Variants in RPS6KC1 observed in about 807,000 individuals in gnomAD.
RPS6KC1 encodes the protein inactive ribosomal protein S6 kinase delta-1.
A neutral mutation model predicts 103.8 loss-of-function variants in RPS6KC1; 54 were observed. The ratio of observed to expected loss-of-function variants is 0.52; its 90% CI spans 0.42 to 0.65. The LOEUF (loss-of-function observed/expected upper bound fraction) is 0.65, where lower values mean the gene tolerates loss of function less well. Ranked by LOEUF, RPS6KC1 falls within the 30% of genes least tolerant of loss-of-function variation. The probability of loss-of-function intolerance (pLI) is 0.00; values close to 1 mark genes in which losing one functional copy is unlikely to be tolerated. For synonymous variants in RPS6KC1, 439 were observed against 438.7 expected (o/e 1.00, Z -0.01); for missense variants, 1,151 against 1,253.8 (o/e 0.92, Z 1.24).
At chr1:213,165,847 G>A (rs1360264844) in intron 6 of RPS6KC1, among the ~76,000 whole-genome samples, 1 of 152,162 alleles carries the variant, frequency 6.6e-6, no homozygotes, top group Non-Finnish European at 1.5e-5. Context: ...ACGAGCCACC[G>A]CACCTGGCCT....
intron 8 of RPS6KC1, among the ~76,000 whole-genome samples, chr1:213,194,686 C>T (rs554437523): frequency 1.9e-4 from 29 of 152,282 alleles, no homozygotes; most frequent in African/African-American, 7.0e-4. Flanking sequence ...GAGCGCAAAC[C>T]CTATTGTGAA....
chr1:213,498,591 A>T, the RPS6KC1 span, among the ~76,000 whole-genome samples: 2 of 151,500 alleles, frequency 1.3e-5, no homozygotes, highest in African/African-American at 2.4e-5. Flanking sequence ...AGTAGCTGGG[A>T]CTACAGGCGC....
At chr1:213,489,112 A>G in the RPS6KC1 span, among the ~76,000 whole-genome samples, 1 of 152,116 alleles carries the variant, frequency 6.6e-6, no homozygotes, top group Non-Finnish European at 1.5e-5. Flanking sequence ...TACATGCAAG[A>G]AAAAAAATCT....
chr1:213,163,265 T>G (rs957205118), intron 6 of RPS6KC1, among the ~76,000 whole-genome samples: 2 of 152,234 alleles, frequency 1.3e-5, no homozygotes, highest in Non-Finnish European at 2.9e-5. Flanking sequence ...ATTTGGATGT[T>G]CTTTCTATTG....
At chr1:213,331,018 G>C in the RPS6KC1 span, among the ~76,000 whole-genome samples, 1 of 152,140 alleles carries the variant, frequency 6.6e-6, no homozygotes, top group Non-Finnish European at 1.5e-5. Context: ...AGAGAGAAGA[G>C]GATGTGATGG....
chr1:213,381,392 G>A, the RPS6KC1 span, among the ~76,000 whole-genome samples: 1 of 151,920 alleles, frequency 6.6e-6, no homozygotes, highest in African/African-American at 2.4e-5. Flanking sequence ...ACCTTATGTT[G>A]CACCTGCCGA....
the RPS6KC1 span, among the ~76,000 whole-genome samples, chr1:213,814,668 A>G: frequency 6.6e-6 from 1 of 152,206 alleles, no homozygotes. Context: ...AAGCACTATT[A>G]TAAGGGCTTT....
the RPS6KC1 span, among the ~76,000 whole-genome samples, chr1:213,386,546 C>T: frequency 2.6e-5 from 4 of 152,276 alleles, no homozygotes; most frequent in East Asian, 1.9e-4. Flanking sequence ...CCTGTGTTTA[C>T]GGCTGACTCA....
At chr1:213,341,865 T>C in the RPS6KC1 span, among the ~76,000 whole-genome samples, 1 of 152,198 alleles carries the variant, frequency 6.6e-6, no homozygotes, top group Non-Finnish European at 1.5e-5. Context: ...CATCTTCAAA[T>C]GCAAGATGGT....
chr1:213,179,538 A>G (rs913420716), intron 8 of RPS6KC1, among the ~76,000 whole-genome samples: 1 of 152,202 alleles, frequency 6.6e-6, no homozygotes, highest in Non-Finnish European at 1.5e-5. Context: ...AACTTGAAGT[A>G]TGGAAAATAA....
chr1:213,753,046 C>T, the RPS6KC1 span, among the ~76,000 whole-genome samples: 3 of 152,196 alleles, frequency 2.0e-5, no homozygotes, highest in Non-Finnish European at 4.4e-5. Context: ...TTTCTTTGTA[C>T]TCCATGCATC....
chr1:213,630,645 G>T, the RPS6KC1 span, among the ~76,000 whole-genome samples: 1 of 152,206 alleles, frequency 6.6e-6, no homozygotes, highest in African/African-American at 2.4e-5. Context: ...TTTGGAGGAG[G>T]AGAGGTGCTC....
At chr1:213,692,417 A>G in the RPS6KC1 span, among the ~76,000 whole-genome samples, 1 of 151,516 alleles carries the variant, frequency 6.6e-6, no homozygotes, top group African/African-American at 2.4e-5. Flanking sequence ...ATAAAGTTTT[A>G]GAGCAGGAAT....
chr1:213,379,548 T>C, the RPS6KC1 span, among the ~76,000 whole-genome samples: 3 of 152,202 alleles, frequency 2.0e-5, no homozygotes, highest in African/African-American at 7.2e-5. Flanking sequence ...GATCATGGAC[T>C]TCCAGCCTCC....
At chr1:213,116,335 G>A (rs1247836388) in intron 4 of RPS6KC1, among the ~76,000 whole-genome samples, 1 of 145,594 alleles carries the variant, frequency 6.9e-6, no homozygotes, top group Non-Finnish European at 1.5e-5. Context: ...TTTGGTCTTT[G>A]TTGGTTTAAA....
chr1:213,262,885 C>A (rs2094831399), intron 14 of RPS6KC1, 69 bp downstream of exon 14: 1 of 918,672 alleles, frequency 1.1e-6, no homozygotes, highest in Non-Finnish European at 1.8e-6. Flanking sequence ...ACTCCAAAAC[C>A]TTAAAAAGAG....
At chr1:213,586,621 A>G in the RPS6KC1 span, among the ~76,000 whole-genome samples, 1 of 127,216 alleles carries the variant, frequency 7.9e-6, no homozygotes, top group Non-Finnish European at 1.7e-5. Flanking sequence ...TAAAAGAGTG[A>G]GACAGATGAG....
chr1:213,661,143 T>C, the RPS6KC1 span, among the ~76,000 whole-genome samples: 2,200 of 152,344 alleles, frequency 0.014, 65 homozygotes, highest in African/African-American at 0.049. Flanking sequence ...TGCCCCCTTT[T>C]TTTCTACCCT....
chr1:213,776,047 C>G, the RPS6KC1 span, among the ~76,000 whole-genome samples: 1 of 152,210 alleles, frequency 6.6e-6, no homozygotes, highest in Admixed American at 6.5e-5. Flanking sequence ...GGCTCCACTT[C>G]TAATTGTATT....
Sources: gnomAD v4.1 joint callset for allele counts (sites outside exome capture counted in the v4.1 genomes callset) on GRCh38, gnomAD v4.1.1 for gene constraint, MANE v1.5 for transcripts, NCBI Gene and HGNC (gene_info 2026-07-23, HGNC 2026-07-21) for gene names.